Variants in DAB1 observed in about 807,000 individuals in gnomAD.
The protein encoded by DAB1 is DAB adaptor protein 1.
DAB1 carries 15 observed loss-of-function variants against 64.6 expected under a neutral mutation model. The ratio of observed to expected loss-of-function variants is 0.23; its 90% CI spans 0.16 to 0.36. The LOEUF (loss-of-function observed/expected upper bound fraction) is 0.36, where lower values mean the gene tolerates loss of function less well. Ranked by LOEUF, DAB1 falls within the 10% of genes least tolerant of loss-of-function variation. The pLI is 1.00. For missense variants in DAB1, 596 were observed against 706.7 expected, an observed-to-expected ratio of 0.84 and a Z score of 1.78; for synonymous variants, 235 against 251.9, an observed-to-expected ratio of 0.93 and a Z score of 0.64.
intron 7 of DAB1, among the ~76,000 whole-genome samples, chr1:57,463,366 T>C (rs956922505): frequency 6.6e-6 from 1 of 152,218 alleles, no homozygotes; most frequent in African/African-American, 2.4e-5. Context: ...GGTATGTACA[T>C]ATAATTCTTG....
intron 5 of DAB1, among the ~76,000 whole-genome samples, chr1:57,898,788 G>A (rs1329756584): frequency 6.6e-6 from 1 of 152,186 alleles, no homozygotes; most frequent in Admixed American, 6.5e-5. Context: ...GACTTTTAAA[G>A]TGCTAGGACA....
intron 2 of DAB1, among the ~76,000 whole-genome samples, chr1:57,267,704 C>T (rs750861722): frequency 3.9e-5 from 6 of 152,110 alleles, no homozygotes; most frequent in Non-Finnish European, 5.9e-5. Context: ...TTGCACTACA[C>T]GGTAGGACTG....
chr1:57,303,890 C>G (rs377714543), intron 1 of DAB1, among the ~76,000 whole-genome samples: 2 of 152,180 alleles, frequency 1.3e-5, no homozygotes, highest in East Asian at 3.9e-4. Flanking sequence ...CAGAAAAACT[C>G]CCCCCTGCCT....
intron 3 of DAB1, among the ~76,000 whole-genome samples, chr1:58,455,764 T>C (rs1234800435): frequency 1.3e-5 from 2 of 152,258 alleles, no homozygotes; most frequent in Non-Finnish European, 2.9e-5. Flanking sequence ...ATTGGATATC[T>C]GTCACAAATT....
At chr1:57,803,383 G>A (rs569461865) in intron 6 of DAB1, among the ~76,000 whole-genome samples, 31 of 152,320 alleles carry the variant, frequency 2.0e-4, no homozygotes, top group African/African-American at 7.0e-4. Flanking sequence ...AGAACATAGA[G>A]TTTCTGACCT....
chr1:57,575,640 G>C (rs567375361), intron 7 of DAB1, among the ~76,000 whole-genome samples: 1 of 152,298 alleles, frequency 6.6e-6, no homozygotes, highest in South Asian at 2.1e-4. Flanking sequence ...GCTTCAGAGA[G>C]GTTAAGAAAC....
At chr1:57,548,671 C>G (rs1213372257) in intron 7 of DAB1, among the ~76,000 whole-genome samples, 1 of 152,180 alleles carries the variant, frequency 6.6e-6, no homozygotes. Context: ...GCAACTTAGC[C>G]TACCAGATTT....
chr1:57,721,803 C>T (rs1468971210), intron 6 of DAB1, among the ~76,000 whole-genome samples: 1 of 152,124 alleles, frequency 6.6e-6, no homozygotes, highest in Non-Finnish European at 1.5e-5. Flanking sequence ...CATCTATGTG[C>T]TTTGTGGAAG....
At chr1:57,082,029 A>G (rs1008882283) in intron 4 of DAB1, among the ~76,000 whole-genome samples, 16 of 152,328 alleles carry the variant, frequency 1.1e-4, no homozygotes, top group African/African-American at 3.6e-4. Context: ...AGGACATAGA[A>G]GCAATGAAAC....
chr1:58,214,814 G>A (rs1658755039), intron 4 of DAB1, among the ~76,000 whole-genome samples: 1 of 152,180 alleles, frequency 6.6e-6, no homozygotes, highest in Admixed American at 6.5e-5. Flanking sequence ...TTCCAGACAA[G>A]CAAATCTAAA....
intron 7 of DAB1, among the ~76,000 whole-genome samples, chr1:57,493,978 C>G (rs1441805426): frequency 6.6e-6 from 1 of 152,166 alleles, no homozygotes; most frequent in Non-Finnish European, 1.5e-5. Flanking sequence ...CACTGAACCT[C>G]GGTTTATTCA....
intron 1 of DAB1, among the ~76,000 whole-genome samples, chr1:57,398,158 A>C (rs1388826946): frequency 6.6e-6 from 1 of 152,252 alleles, no homozygotes; most frequent in Non-Finnish European, 1.5e-5. Flanking sequence ...TATCGAGTGC[A>C]CCCTTTGAGC....
chr1:58,406,179 G>A (rs1323028782), intron 3 of DAB1, among the ~76,000 whole-genome samples: 1 of 152,132 alleles, frequency 6.6e-6, no homozygotes, highest in East Asian at 1.9e-4. Flanking sequence ...GGAGAATGCT[G>A]CCTCCCCTTC....
rs113364508 is a variant in DAB1 at position 58,039,828 on chromosome 1, T to C, written n.387+110683A>G. Among the ~76,000 whole-genome samples the C allele has an allele frequency of 5.6e-3, 847 of 152,264 alleles. 10 individuals are homozygous for C. The highest frequency in any genetic ancestry group is 0.019 in the African/African-American group (782 of 41,526). On this transcript the variant is annotated intron_variant and non_coding_transcript_variant, in intron 5 of 20. Transcript: ENST00000485760. ...TAAAAGTACCCATCTTAATAATTTA[T>C]TGTCGAGGTTGAATAAAACAATAAA...
intron 1 of DAB1, among the ~76,000 whole-genome samples, chr1:57,320,670 C>T (rs187650035): frequency 1.1e-4 from 16 of 152,228 alleles, no homozygotes; most frequent in Admixed American, 1.3e-4. Flanking sequence ...CCCCAAGGCA[C>T]AAGTTTCTTT....
At chr1:58,163,576 G>A (rs1655661491) in intron 4 of DAB1, among the ~76,000 whole-genome samples, 2 of 152,152 alleles carry the variant, frequency 1.3e-5, no homozygotes, top group Non-Finnish European at 2.9e-5. Flanking sequence ...GGGGAATCTG[G>A]TGCCTGCTTG....
intron 3 of DAB1, among the ~76,000 whole-genome samples, chr1:58,408,204 A>G (rs1644635170): frequency 1.3e-5 from 2 of 152,180 alleles, no homozygotes; most frequent in Non-Finnish European, 2.9e-5. Flanking sequence ...GTGATCTGAC[A>G]GAGAGGCTCA....
At position 58,538,730 on chromosome 1, in the gene DAB1, C is replaced by T. The variant is rs182007350; in HGVS notation, n.32+7973G>A. The T allele has an allele frequency of 1.2e-3, 785 of 679,096 alleles. 3 individuals carry two copies. The highest frequency in any genetic ancestry group is 4.0e-3 in the African/African-American group (224 of 55,692). 42.1% of individuals were successfully genotyped at this position (679,096 alleles called of 1,614,324 possible). A position where few individuals can be genotyped will look rare whatever the true frequency, so the allele number is the denominator to read the frequency against. On this transcript the variant is annotated intron_variant and non_coding_transcript_variant, in intron 1 of 20. Transcript: ENST00000485760. ...AAAAATTAATTTCTAAAAGTTAATA[C>T]GTTAGCACAAAATATTAATGCAAAA...
intron 9 of DAB1, among the ~76,000 whole-genome samples, chr1:57,056,238 C>A (rs1170845408): frequency 6.6e-6 from 1 of 151,356 alleles, no homozygotes; most frequent in African/African-American, 2.4e-5. Flanking sequence ...GTGGCTCATG[C>A]CTATAATCCC....
Sources: allele counts gnomAD v4.1 joint callset (sites outside exome capture counted in the v4.1 genomes callset), GRCh38; gene constraint gnomAD v4.1.1; transcripts MANE v1.5; gene names NCBI Gene and HGNC (gene_info 2026-07-23, HGNC 2026-07-21).